Variants in PCNX2 observed in about 807,000 individuals in gnomAD.
PCNX2 encodes pecanex 2.
A neutral mutation model predicts 223.8 loss-of-function variants in PCNX2; 168 were observed. That is an observed-to-expected ratio of 0.75 (90% CI 0.66 to 0.85). The LOEUF (loss-of-function observed/expected upper bound fraction) is 0.85. PCNX2 is among the 40% of genes least tolerant of loss of function. The probability of loss-of-function intolerance (pLI) is 0.00; values close to 1 mark genes in which losing one functional copy is unlikely to be tolerated. For missense variants in PCNX2, 2,507 were observed against 2,675.5 expected (o/e 0.94, Z 1.39); for synonymous variants, 1,006 against 1,052.6 (o/e 0.96, Z 0.86).
At chr1:233,128,363 C>T (rs1030823749) in intron 21 of PCNX2, among the ~76,000 whole-genome samples, 3 of 151,826 alleles carry the variant, frequency 2.0e-5, no homozygotes, top group South Asian at 2.1e-4. Flanking sequence ...GAGACAGAGT[C>T]GTGCTCTGTC....
chr1:233,262,269 G>A, intron 2 of PCNX2, 104 bp from the exon 3 acceptor site: 3 of 1,380,216 alleles, frequency 2.2e-6, no homozygotes, highest in Non-Finnish European at 3.0e-6. Flanking sequence ...AGTCCATTTT[G>A]TTATATTCCT....
the PCNX2 span, among the ~76,000 whole-genome samples, chr1:233,322,920 T>G: frequency 3.5e-4 from 53 of 151,720 alleles, no homozygotes; most frequent in African/African-American, 1.2e-3. Context: ...CGTTCCATCT[T>G]TATAATCAGT....
intron 1 of PCNX2, among the ~76,000 whole-genome samples, chr1:233,287,976 C>T (rs1222333928): frequency 6.6e-6 from 1 of 152,016 alleles, no homozygotes; most frequent in Non-Finnish European, 1.5e-5. Context: ...CTTACCTATT[C>T]CAATAATAGT....
chr1:232,997,386 G>C (rs1049165871), intron 32 of PCNX2, among the ~76,000 whole-genome samples: 4 of 152,212 alleles, frequency 2.6e-5, no homozygotes, highest in Non-Finnish European at 4.4e-5. Flanking sequence ...CCAGGAGGCA[G>C]GGACTGTAAC....
At chr1:233,004,862 G>A (rs1243688485) in intron 28 of PCNX2, among the ~76,000 whole-genome samples, 2 of 152,202 alleles carry the variant, frequency 1.3e-5, no homozygotes, top group African/African-American at 2.4e-5. Flanking sequence ...AACAGCCAGG[G>A]GCTGGTCAGG....
intron 21 of PCNX2, among the ~76,000 whole-genome samples, chr1:233,120,164 C>CAAAAAAA (rs1228898502): frequency 3.0e-4 from 13 of 42,628 alleles, no homozygotes; most frequent in South Asian, 8.8e-4. Context: ...GACTCCATTT[C>CAAAAAAA]AAAAAAAAAA....
At chr1:233,200,607 G>C (rs928019226) in intron 13 of PCNX2, among the ~76,000 whole-genome samples, 2 of 151,988 alleles carry the variant, frequency 1.3e-5, no homozygotes, top group Non-Finnish European at 2.9e-5. Flanking sequence ...CCAGGACTGA[G>C]CAAAGACTTC....
At chr1:233,104,481 TG>T (rs1230181716) in intron 21 of PCNX2, among the ~76,000 whole-genome samples, 1 of 152,050 alleles carries the variant, frequency 6.6e-6, no homozygotes, top group Non-Finnish European at 1.5e-5. Flanking sequence ...ATAATTGAAA[TG>T]TATACACTTA....
intron 25 of PCNX2, among the ~76,000 whole-genome samples, chr1:233,037,363 C>T (rs1671491179): frequency 6.6e-6 from 1 of 152,070 alleles, no homozygotes; most frequent in Non-Finnish European, 1.5e-5. Context: ...ACGGGGTCTG[C>T]CTCTGTCACC....
At chr1:233,181,093 T>A (rs535700786) in intron 15 of PCNX2, 1 of 152,112 alleles carries the variant, frequency 6.6e-6, no homozygotes, top group Non-Finnish European at 1.5e-5. Flanking sequence ...AAGGGAGAGG[T>A]GTACTTCCTC....
intron 23 of PCNX2, among the ~76,000 whole-genome samples, chr1:233,068,271 A>G (rs1672704949): frequency 6.6e-6 from 1 of 152,192 alleles, no homozygotes; most frequent in Non-Finnish European, 1.5e-5. Flanking sequence ...TCAAAGGAAG[A>G]AAAACTAACA....
chr1:233,058,983 C>T (rs149685015), intron 23 of PCNX2, among the ~76,000 whole-genome samples: 169 of 152,260 alleles, frequency 1.1e-3, no homozygotes, highest in Non-Finnish European at 2.0e-3. Flanking sequence ...TTTTCTATCA[C>T]TCCACCCTTT....
chr1:233,235,957 A>AAAAAAATATATAT (rs369886650), intron 9 of PCNX2, among the ~76,000 whole-genome samples: 3 of 93,104 alleles, frequency 3.2e-5, no homozygotes, highest in Non-Finnish European at 6.5e-5. Flanking sequence ...CATAAAAAAA[A>AAAAAAATATATAT]ATATATATAT....
chr1:233,293,747 C>A (rs1397498874), intron 1 of PCNX2, among the ~76,000 whole-genome samples: 2 of 152,198 alleles, frequency 1.3e-5, no homozygotes. Flanking sequence ...ACTCAGTTCT[C>A]ATATTCACCC....
intron 28 of PCNX2, among the ~76,000 whole-genome samples, chr1:233,004,512 C>T (rs1405407446): frequency 1.3e-5 from 2 of 151,904 alleles, no homozygotes; most frequent in African/African-American, 4.8e-5. Flanking sequence ...ATCACGGCCA[C>T]CTCTTACAAC....
chr1:233,095,825 T>G lies in PCNX2; in HGVS notation c.3876A>C (p.Thr1292=). Residue 1292 remains threonine (T), a synonymous_variant, in exon 22 of 34, where the codon ACA becomes ACC. Transcript: ENST00000258229. The stretch of plus-strand genomic sequence containing the variant: ...AAGCCATCTGCCAAGGAGCCACATA[T>G]GTCAGGACGAACTGTAACTTGTGAA... ...DLLHKLQFVL[T]YVAPWQMAWG... is the part of the protein sequence containing the mutation. 6.2e-7 allele frequency: 1 copy of G among 1,612,474 alleles called. No individual in the cohort carries two copies. The highest frequency in any genetic ancestry group is 8.5e-7 in the Non-Finnish European group (1 of 1,179,254).
chr1:233,195,910 A>G (rs536416721), intron 15 of PCNX2, among the ~76,000 whole-genome samples: 4 of 152,322 alleles, frequency 2.6e-5, no homozygotes, highest in African/African-American at 7.2e-5. Context: ...TTTGGTAGGA[A>G]TTGTCAAACA....
At position 233,092,103 on chromosome 1, in the gene PCNX2, T is replaced by C. The variant is rs950176820; in HGVS notation, c.3947-1913A>G. ...AAAGGGAATTGCATGCAAGATATCA[T>C]TGAGTGAAGGTATTGAAAAAAATAT... On this transcript the variant is annotated intron_variant, in intron 22 of 33. Coordinates refer to ENST00000258229, the MANE Select transcript of PCNX2 (RefSeq NM_014801.4). Among the ~76,000 whole-genome samples, 10 of 152,076 alleles carry C rather than the reference T, an allele frequency of 6.6e-5. No individual in the cohort carries two copies. The East Asian group carries it at 7.7e-4, about 12-fold the overall frequency.
chr1:233,173,241 G>A (rs1457117118), intron 17 of PCNX2, among the ~76,000 whole-genome samples: 2 of 150,450 alleles, frequency 1.3e-5, no homozygotes, highest in Non-Finnish European at 2.9e-5. Flanking sequence ...GCGCGATCTC[G>A]CTGCAACCTC....
Sources: allele counts gnomAD v4.1 joint callset (sites outside exome capture counted in the v4.1 genomes callset), GRCh38; gene constraint gnomAD v4.1.1; transcripts MANE v1.5; gene names NCBI Gene and HGNC (gene_info 2026-07-23, HGNC 2026-07-21).